Variants in ARID5B observed in about 807,000 individuals in gnomAD.
ARID5B encodes the protein AT-rich interactive domain-containing protein 5B.
A neutral mutation model predicts 97.2 loss-of-function variants in ARID5B; 13 were observed. That is an observed-to-expected ratio of 0.13 (90% CI 0.09 to 0.21). The LOEUF is 0.21. Ranked by LOEUF, ARID5B falls within the 10% of genes least tolerant of loss-of-function variation. ARID5B has a pLI of 1.00. For missense variants in ARID5B, 1,210 were observed against 1,465.3 expected (o/e 0.83, Z 2.84); for synonymous variants, 556 against 570.3 (o/e 0.97, Z 0.36).
chr10:61,902,687 G>A (rs866053212), intron 2 of ARID5B, among the ~76,000 whole-genome samples: 363 of 150,308 alleles, frequency 2.4e-3, no homozygotes, highest in African/African-American at 8.5e-3. Flanking sequence ...GTGTGTGTGT[G>A]TGTGTGTGTG....
rs1840432272 is a variant in ARID5B at position 62,094,226 on chromosome 10, G to C, written c.*1196G>C. Reference sequence around the variant, plus strand: ...GGCACTGATTCCTTTAAATGGTCTGGGAAAGGGGGTTGGGAAGAGGATGGA... The same window carrying C: ...GGCACTGATTCCTTTAAATGGTCTGCGAAAGGGGGTTGGGAAGAGGATGGA... On this transcript the variant is annotated 3_prime_UTR_variant, in exon 10 of 10. Coordinates refer to ENST00000279873, the MANE Select transcript of ARID5B (RefSeq NM_032199.3). The C allele has an allele frequency of 4.3e-6, 1 of 232,164 alleles. No homozygotes were observed. The highest frequency in any genetic ancestry group is 2.2e-5 in the African/African-American group (1 of 45,262). The allele number at this position is 232,164 out of a possible 1,614,324, so 14.4% of individuals were successfully genotyped here.
intron 4 of ARID5B, among the ~76,000 whole-genome samples, chr10:62,043,078 A>G (rs1839662266): frequency 6.6e-6 from 1 of 152,168 alleles, no homozygotes; most frequent in Admixed American, 6.5e-5. Flanking sequence ...GCCATGAGCT[A>G]CCACGTCCAC....
chr10:62,032,075 C>T (rs911056980), intron 4 of ARID5B, among the ~76,000 whole-genome samples: 12 of 152,044 alleles, frequency 7.9e-5, no homozygotes, highest in African/African-American at 2.9e-4. Context: ...GCCTGTAGCC[C>T]CAGCTAATCT....
intron 3 of ARID5B, among the ~76,000 whole-genome samples, chr10:61,997,570 CT>C (rs1217162047): frequency 1.3e-5 from 2 of 152,142 alleles, no homozygotes; most frequent in African/African-American, 4.8e-5. Context: ...ACCTTTACCC[CT>C]ATCATAGAAA....
chr10:62,093,206 C>A lies in ARID5B; in HGVS notation c.*176C>A. 1.1e-6 allele frequency: 1 copy of A among 917,098 alleles called. No homozygotes were observed. The highest frequency in any genetic ancestry group is 1.6e-6 in the Non-Finnish European group (1 of 634,834). The allele number at this position is 917,098 out of a possible 1,614,324, so 56.8% of individuals were successfully genotyped here. On this transcript the variant is annotated 3_prime_UTR_variant, in exon 10 of 10. Coordinates refer to ENST00000279873, the MANE Select transcript of ARID5B (RefSeq NM_032199.3). ...CATGCCTGATTTTTGTGGGACAACT[C>A]TAGCCCACAAACTGACTGGCTGGTG...
At position 62,063,856 on chromosome 10, in the gene ARID5B, T is replaced by C. The variant is rs34452262; in HGVS notation, c.1101+4561T>C. On this transcript the variant is annotated intron_variant, in intron 7 of 9. Transcript: ENST00000279873. ...CTTCAGTGTCTGGTGAAGCAATTAA[T>C]GCTGGAAGAGTAGCTTGGGGTATTA... Among the ~76,000 whole-genome samples, 1,339 of 152,346 alleles carry C rather than the reference T, an allele frequency of 8.8e-3. 16 individuals are homozygous for C. Among genetic ancestry groups the C allele is most frequent in the Middle Eastern group, 0.024 (7 of 294 alleles).
In ARID5B at chr10:62,092,680, C is replaced by T. The variant is rs748374587; in HGVS notation, c.3217C>T (p.Leu1073Phe). The change falls in exon 10 of 10, where the codon CTC becomes TTC. Residue 1073 changes from leucine to phenylalanine, a missense_variant. By Grantham distance (22) the Leu-to-Phe change is conservative. This residue lies in a region of ARID5B where 800 missense variants were observed against 839.1 expected (regional missense o/e 0.95). Coordinates refer to ENST00000279873, the MANE Select transcript of ARID5B (RefSeq NM_032199.3). ...GGGSEGHKLP[L>F]SSPIFPGLYS... ...CGGATCAGAAGGCCACAAGCTTCCC[C>T]TCTCCTCCCCTATCTTCCCAGGTCT... 3 of 1,613,986 alleles carry T rather than the reference C, an allele frequency of 1.9e-6. No individual in the cohort carries two copies. Among genetic ancestry groups the T allele is most frequent in the Admixed American group, 1.7e-5 (1 of 60,016 alleles).
chr10:62,021,050 A>G (rs1310349936), intron 4 of ARID5B, among the ~76,000 whole-genome samples: 1 of 137,638 alleles, frequency 7.3e-6, no homozygotes, highest in Non-Finnish European at 1.5e-5. Context: ...ATATATATAT[A>G]TATATATATA....
At chr10:61,921,381 C>A (rs1589219665) in intron 2 of ARID5B, among the ~76,000 whole-genome samples, 1 of 152,310 alleles carries the variant, frequency 6.6e-6, no homozygotes. Flanking sequence ...ACTTCAGACC[C>A]ACTCACTTGC....
At chr10:62,063,874 G>A (rs937943827) in intron 7 of ARID5B, among the ~76,000 whole-genome samples, 3 of 152,142 alleles carry the variant, frequency 2.0e-5, no homozygotes, top group African/African-American at 7.2e-5. Context: ...GAGTAGCTTG[G>A]GGTATTACCA....
intron 2 of ARID5B, among the ~76,000 whole-genome samples, chr10:61,930,772 C>G (rs2132783540): frequency 8.8e-6 from 1 of 113,358 alleles, no homozygotes; most frequent in South Asian, 2.7e-4. Context: ...TCTCTATGCT[C>G]AGGACTCTTC....
intron 1 of ARID5B, 54 bp downstream of exon 1, chr10:61,901,784 C>T (rs1360294141): frequency 1.2e-5 from 18 of 1,532,350 alleles, no homozygotes; most frequent in Middle Eastern, 2.3e-4. Context: ...CACCCCCCAA[C>T]CCCCCAGCTC....
intron 2 of ARID5B, among the ~76,000 whole-genome samples, chr10:61,919,089 A>G (rs1213846102): frequency 8.5e-6 from 1 of 117,260 alleles, no homozygotes; most frequent in Non-Finnish European, 1.6e-5. Context: ...CATCTCTTCC[A>G]TTGGCCATGT....
chr10:61,914,719 A>T (rs1232417326), intron 2 of ARID5B, among the ~76,000 whole-genome samples: 1 of 152,234 alleles, frequency 6.6e-6, no homozygotes, highest in African/African-American at 2.4e-5. Context: ...CAGGCATTGC[A>T]AATACATTAA....
Position 61,902,365 on chromosome 10 carries a change from T to C in ARID5B, c.228T>C (p.Tyr76=). The change falls in exon 2 of 10, where the codon TAT becomes TAC. Residue 76 remains tyrosine, a synonymous_variant. Coordinates refer to ENST00000279873, the MANE Select transcript of ARID5B (RefSeq NM_032199.3). The part of the protein sequence containing the change: ...SRQLLSSSKL[Y]FLPEDTPQGR... ...AACTTTTATCCAGCTCTAAACTTTA[T>C]TTCCTCCCAGAAGACACTCCCCAGG... 6.2e-7 allele frequency: 1 copy of C among 1,614,178 alleles called. No individual in the cohort carries two copies. Among genetic ancestry groups the C allele is most frequent in the Non-Finnish European group, 8.5e-7 (1 of 1,180,032 alleles).
intron 3 of ARID5B, among the ~76,000 whole-genome samples, chr10:61,993,186 C>T (rs1838951153): frequency 6.6e-6 from 1 of 151,876 alleles, no homozygotes. Context: ...TCCAACTCTT[C>T]AACATCAGTT....
At chr10:62,073,240 C>T (rs1840088481) in intron 8 of ARID5B, among the ~76,000 whole-genome samples, 1 of 152,170 alleles carries the variant, frequency 6.6e-6, no homozygotes, top group Non-Finnish European at 1.5e-5. Context: ...GCTTTGCTTT[C>T]CTAGAAGATG....
intron 5 of ARID5B, among the ~76,000 whole-genome samples, chr10:62,051,998 G>A (rs1315594079): frequency 1.3e-5 from 2 of 151,696 alleles, no homozygotes; most frequent in South Asian, 2.1e-4. Context: ...CTCCTTCCCA[G>A]TGTAATGAAG....
chr10:61,949,151 A>G (rs1288878299), intron 3 of ARID5B, among the ~76,000 whole-genome samples: 4 of 152,244 alleles, frequency 2.6e-5, no homozygotes. Flanking sequence ...ACAGTTGAAG[A>G]CCAGCTTGGT....
Sources: gnomAD v4.1 joint callset for allele counts (sites outside exome capture counted in the v4.1 genomes callset) on GRCh38, gnomAD v4.1.1 for gene constraint, gnomAD v4.1.1 regional missense constraint, MANE v1.5 for transcripts, NCBI Gene and HGNC (gene_info 2026-07-23, HGNC 2026-07-21) for gene names.